The following KCNQ4 variants were observed in gnomAD, a reference collection of about 807,000 sequenced individuals.
KCNQ4 encodes the protein potassium voltage-gated channel subfamily KQT member 4.
A neutral mutation model predicts 72.6 loss-of-function variants in KCNQ4; 31 were observed. That is an observed-to-expected ratio of 0.43 (90% CI 0.32 to 0.58). The LOEUF is 0.58. KCNQ4 is among the 20% of genes least tolerant of loss of function. The pLI is 0.08. For synonymous variants in KCNQ4, 405 were observed against 403.7 expected (o/e 1.00, Z -0.04); for missense variants, 869 against 962.6 (o/e 0.90, Z 1.29).
At chr1:40,833,190 C>A in intron 11 of KCNQ4, 77 bp downstream of exon 11, 2 of 1,081,398 alleles carry the variant, frequency 1.8e-6, no homozygotes, top group Non-Finnish European at 2.8e-6. Flanking sequence ...GGGTGGATCA[C>A]TTGAGGTCAG....
In KCNQ4 at chr1:40,837,812, T is replaced by C; in HGVS notation, c.1875+18T>C. The C allele has an allele frequency of 1.3e-6, 2 of 1,597,172 alleles. No individual in the cohort carries two copies. Among genetic ancestry groups the C allele is most frequent in the Non-Finnish European group, 1.7e-6 (2 of 1,172,738 alleles). ...AGAAGCAGGTGAGTGTAGGATGGGGTGGCGGAGCTGGCCATACCAAGAAGC... is the reference window on the plus strand; with the variant it reads ...AGAAGCAGGTGAGTGTAGGATGGGGCGGCGGAGCTGGCCATACCAAGAAGC... On this transcript the variant is annotated intron_variant, in intron 13 of 13. Coordinates refer to ENST00000347132, the MANE Select transcript of KCNQ4 (RefSeq NM_004700.4).
chr1:40,830,666 G>A lies in KCNQ4; in HGVS notation c.1293-418G>A, dbSNP rs148756660. 8.1e-4 allele frequency among the ~76,000 whole-genome samples: 124 copies of A among 152,198 alleles called. 1 individual carries two copies. The highest frequency in any genetic ancestry group is 2.9e-3 in the African/African-American group (120 of 41,528). ...GGCCTACCTCCGTGTGCATGGCCAG[G>A]TGAGCTTCCGACCCTCAGCAGCCTG... On this transcript the variant is annotated intron_variant, in intron 9 of 13. Transcript: ENST00000347132.
intron 1 of KCNQ4, among the ~76,000 whole-genome samples, chr1:40,797,583 G>C (rs1647452579): frequency 6.6e-6 from 1 of 152,166 alleles, no homozygotes; most frequent in South Asian, 2.1e-4. Context: ...TAACATGGCA[G>C]ATTCGTGTTT....
At chr1:40,828,897 G>A (rs903234732) in intron 9 of KCNQ4, among the ~76,000 whole-genome samples, 2 of 152,184 alleles carry the variant, frequency 1.3e-5, no homozygotes, top group Admixed American at 1.3e-4. Context: ...AGGAGCTCAG[G>A]GCCTCTGGCT....
chr1:40,808,466 C>T (rs1036720074), intron 1 of KCNQ4, among the ~76,000 whole-genome samples: 2 of 152,184 alleles, frequency 1.3e-5, no homozygotes, highest in Non-Finnish European at 2.9e-5. Flanking sequence ...CCTCTCCAGG[C>T]GTGGTCTTTT....
In KCNQ4 at chr1:40,794,870, G is replaced by C. The variant is rs995111400; in HGVS notation, c.314+10463G>C. Among the ~76,000 whole-genome samples the C allele has an allele frequency of 6.6e-6, 1 of 151,948 alleles. No homozygotes were observed. The highest frequency in any genetic ancestry group is 2.4e-5 in the African/African-American group (1 of 41,356). On this transcript the variant is annotated intron_variant, in intron 1 of 13. Coordinates refer to ENST00000347132, the MANE Select transcript of KCNQ4 (RefSeq NM_004700.4). This position sits in a 1 kb window ranked among gnomAD's most constrained non-coding sequence, Gnocchi z 4.2. ...TGAGCTGTGGAGCCAGAAGAGGGAG[G>C]GGTCTGGTAGGGACAGAGGGATCAG...
In KCNQ4 at chr1:40,784,110, C is replaced by T. The variant is rs1478347910; in HGVS notation, c.17C>T (p.Pro6Leu). ...GCGCCGCCCATGGCCGAGGCCCCCC[C>T]GCGCCGCCTCGGCCTGGGTCCCCCG... MAEAP[P>L]RRLGLGPPPG... Residue 6 changes from proline to leucine, a missense_variant, in exon 1 of 14, where the codon CCG (proline) becomes CTG (leucine). Physicochemically the swap from Pro to Leu is moderately conservative, Grantham distance 98 (BLOSUM62 -3). This residue lies in a region of KCNQ4 where 178 missense variants were observed against 145.3 expected (regional missense o/e 1.22). Transcript: ENST00000347132. The surrounding 1 kb of genome is among the most constrained non-coding windows in gnomAD (Gnocchi z 4.1). 2.0e-5 allele frequency: 13 copies of T among 637,856 alleles called. No individual in the cohort carries two copies. Among genetic ancestry groups the T allele is most frequent in the Non-Finnish European group, 2.3e-5 (12 of 510,858 alleles). 39.5% of individuals were successfully genotyped at this position (637,856 alleles called of 1,614,324 possible).
chr1:40,834,895 G>A (rs1450549486), intron 11 of KCNQ4, 72 bp from the exon 12 acceptor site: 1 of 1,594,982 alleles, frequency 6.3e-7, no homozygotes, highest in Non-Finnish European at 8.6e-7. Flanking sequence ...GGATAGCAAA[G>A]AGATGGAGAG....
intron 1 of KCNQ4, among the ~76,000 whole-genome samples, chr1:40,793,948 G>A (rs947907888): frequency 1.3e-5 from 2 of 152,218 alleles, no homozygotes; most frequent in Middle Eastern, 6.3e-3. Flanking sequence ...ATGGGACTAT[G>A]AGAACTGGGT....
chr1:40,804,443 G>C (rs1647688989), intron 1 of KCNQ4, among the ~76,000 whole-genome samples: 1 of 152,186 alleles, frequency 6.6e-6, no homozygotes, highest in African/African-American at 2.4e-5. Flanking sequence ...GAGAAGGTTG[G>C]TTAATCTCTA....
At position 40,784,231 on chromosome 1, in the gene KCNQ4, C is replaced by T; in HGVS notation, c.138C>T (p.Gly46=). The change falls in exon 1 of 14, where the codon GGC becomes GGT. Residue 46 remains glycine (G), a synonymous_variant. Coordinates refer to ENST00000347132, the MANE Select transcript of KCNQ4 (RefSeq NM_004700.4). This position sits in a 1 kb window ranked among gnomAD's most constrained non-coding sequence, Gnocchi z 4.1. ...AGGGGSPRRL[G]LLGSPLPPGA... is the part of the protein sequence containing the mutation. ...GGGGCGGCTCCCCGCGCCGCCTCGG[C>T]CTCCTGGGCAGCCCCCTGCCGCCGG... The T allele has an allele frequency of 8.2e-7, 1 of 1,225,832 alleles. No homozygotes were observed. The highest frequency in any genetic ancestry group is 3.3e-5 in the South Asian group (1 of 29,910). The allele number at this position is 1,225,832 out of a possible 1,614,324, so 75.9% of individuals were successfully genotyped here.
At chr1:40,786,974 C>T (rs1475143603) in intron 1 of KCNQ4, among the ~76,000 whole-genome samples, 1 of 152,162 alleles carries the variant, frequency 6.6e-6, no homozygotes, top group Non-Finnish European at 1.5e-5. Flanking sequence ...CCTTTCTCCT[C>T]TTCCCAATCT....
chr1:40,823,038 C>T (rs1648355340), intron 8 of KCNQ4, among the ~76,000 whole-genome samples: 1 of 152,236 alleles, frequency 6.6e-6, no homozygotes, highest in Non-Finnish European at 1.5e-5. Flanking sequence ...AACCATGGAG[C>T]CCAGCTCGGT....
chr1:40,837,081 CTTTTCTTTTCT>C (rs1244618141), intron 12 of KCNQ4, among the ~76,000 whole-genome samples: 7 of 134,268 alleles, frequency 5.2e-5, no homozygotes, highest in East Asian at 2.0e-4. Flanking sequence ...CTTTTCTTTT[CTTTTCTTTTCT>C]TTTTTTTTTT....
At chr1:40,795,225 T>C (rs1643873146) in intron 1 of KCNQ4, among the ~76,000 whole-genome samples, 1 of 151,028 alleles carries the variant, frequency 6.6e-6, no homozygotes, top group Admixed American at 6.6e-5. Flanking sequence ...CAAAGTGCTG[T>C]GAAGAACAGG....
At chr1:40,835,205 A>C (rs1325912749) in intron 12 of KCNQ4, 107 bp downstream of exon 12, 2 of 1,426,154 alleles carry the variant, frequency 1.4e-6, no homozygotes, top group Non-Finnish European at 1.9e-6. Context: ...TCACTGCTGC[A>C]GCTGAGTTTC....
intron 10 of KCNQ4, 149 bp downstream of exon 10, chr1:40,831,453 A>C: frequency 1.5e-6 from 1 of 670,312 alleles, no homozygotes; most frequent in Non-Finnish European, 2.6e-6. Flanking sequence ...CATCTGTAAA[A>C]TGGGCATTAT....
intron 1 of KCNQ4, among the ~76,000 whole-genome samples, chr1:40,803,730 C>T (rs1393917698): frequency 6.6e-6 from 1 of 152,224 alleles, no homozygotes; most frequent in Non-Finnish European, 1.5e-5. Flanking sequence ...ATTTGGGGTT[C>T]CCACTGGGAG....
intron 1 of KCNQ4, among the ~76,000 whole-genome samples, chr1:40,813,998 C>T (rs1398554583): frequency 4.7e-5 from 7 of 149,680 alleles, no homozygotes; most frequent in Non-Finnish European, 7.4e-5. Flanking sequence ...CTGCCCACCT[C>T]GGCCTCCCAA....
Sources: allele counts gnomAD v4.1 joint callset (sites outside exome capture counted in the v4.1 genomes callset), GRCh38; gene constraint gnomAD v4.1.1; regional missense constraint gnomAD v4.1.1; non-coding constraint Gnocchi (gnomAD v3.1); transcripts MANE v1.5; gene names NCBI Gene and HGNC (gene_info 2026-07-23, HGNC 2026-07-21).